Variants in LMNTD1 observed in about 807,000 individuals in gnomAD.
LMNTD1 encodes the protein lamin tail domain containing 1.
LMNTD1 carries 35 observed loss-of-function variants against 50.9 expected under a neutral mutation model. The ratio of observed to expected loss-of-function variants is 0.69; its 90% confidence interval spans 0.53 to 0.91. The LOEUF is 0.91. LMNTD1 is among the 40% of genes least tolerant of loss of function. LMNTD1 has a pLI of 0.00. For missense variants in LMNTD1, 470 were observed against 475.5 expected (o/e 0.99, Z 0.11); for synonymous variants, 153 against 161.9 (o/e 0.94, Z 0.42).
intron 1 of LMNTD1, among the ~76,000 whole-genome samples, chr12:25,628,635 G>A (rs1224147578): frequency 6.6e-6 from 1 of 152,170 alleles, no homozygotes; most frequent in Non-Finnish European, 1.5e-5. Flanking sequence ...ATAATCATAG[G>A]AGTCCTCATG....
At chr12:25,620,354 T>G in intron 1 of LMNTD1, among the ~76,000 whole-genome samples, 1 of 152,234 alleles carries the variant, frequency 6.6e-6, no homozygotes, top group African/African-American at 2.4e-5. Flanking sequence ...AAAACAAATT[T>G]TATAACTTAC....
At chr12:25,554,439 T>C (rs1943946228), upstream of LMNTD1, among the ~76,000 whole-genome samples, 1 of 152,236 alleles carries the variant, frequency 6.6e-6, no homozygotes, top group African/African-American at 2.4e-5. Context: ...TGTGAGTGTT[T>C]CAATACTCAT....
At chr12:25,600,502 T>A (rs969423980) in intron 1 of LMNTD1, among the ~76,000 whole-genome samples, 1 of 151,792 alleles carries the variant, frequency 6.6e-6, no homozygotes, top group Non-Finnish European at 1.5e-5. Context: ...ATCAACAAAG[T>A]GAAGAGACAG....
chr12:25,616,662 G>A (rs1469088523), intron 1 of LMNTD1, among the ~76,000 whole-genome samples: 2 of 152,176 alleles, frequency 1.3e-5, no homozygotes, highest in East Asian at 1.9e-4. Flanking sequence ...GGGGAAAACT[G>A]AGTAAAGGGT....
chr12:25,563,285 G>T (rs1096013), intron 1 of LMNTD1, among the ~76,000 whole-genome samples: 144,308 of 152,316 alleles, frequency 0.95, 68,875 homozygotes, highest in East Asian at 1. Flanking sequence ...TTTATCTACC[G>T]TTAGTCTTTG....
At chr12:25,624,544 T>G (rs1213626129) in intron 1 of LMNTD1, among the ~76,000 whole-genome samples, 1 of 152,174 alleles carries the variant, frequency 6.6e-6, no homozygotes, top group Non-Finnish European at 1.5e-5. Flanking sequence ...TCACCCATTT[T>G]CACTTAGAAA....
chr12:25,580,551 C>A (rs1005130983), intron 1 of LMNTD1, among the ~76,000 whole-genome samples: 1 of 151,816 alleles, frequency 6.6e-6, no homozygotes, highest in Non-Finnish European at 1.5e-5. Context: ...ATAGTTGTAC[C>A]CTTATATGTT....
At chr12:25,551,837 G>T (rs184621747) in intron 2 of LMNTD1, among the ~76,000 whole-genome samples, 2 of 152,266 alleles carry the variant, frequency 1.3e-5, no homozygotes, top group Non-Finnish European at 2.9e-5. Context: ...TTTTCTCAGT[G>T]GTTAGTTAAC....
chr12:25,612,146 T>C (rs1333402796), intron 1 of LMNTD1, among the ~76,000 whole-genome samples: 1 of 152,228 alleles, frequency 6.6e-6, no homozygotes, highest in Non-Finnish European at 1.5e-5. Flanking sequence ...AGAAAAATAC[T>C]GTGGCTTTAG....
At chr12:25,518,318 C>T (rs1389228856) in intron 8 of LMNTD1, among the ~76,000 whole-genome samples, 1 of 152,158 alleles carries the variant, frequency 6.6e-6, no homozygotes, top group African/African-American at 2.4e-5. Context: ...AAAATCCATT[C>T]ACAGAGTGTG....
intron 6 of LMNTD1, among the ~76,000 whole-genome samples, chr12:25,521,205 C>T (rs1241869515): frequency 6.6e-6 from 1 of 151,890 alleles, no homozygotes; most frequent in Admixed American, 6.6e-5. Context: ...TGTGCAGAAG[C>T]TTTTTAGCTT....
At chr12:25,627,259 A>C (rs1205368847) in intron 1 of LMNTD1, among the ~76,000 whole-genome samples, 2 of 152,236 alleles carry the variant, frequency 1.3e-5, no homozygotes, top group Non-Finnish European at 2.9e-5. Context: ...TGAGCCTCTG[A>C]AAGGCATCCA....
At chr12:25,555,829 A>G, upstream of LMNTD1, among the ~76,000 whole-genome samples, 1 of 152,174 alleles carries the variant, frequency 6.6e-6, no homozygotes, top group East Asian at 1.9e-4. Context: ...TAGCAAAAAG[A>G]CTAAAATAGA....
In LMNTD1 at chr12:25,578,265, G is replaced by T. The variant is rs139356481; in HGVS notation, c.59-31711C>A. On this transcript the variant is annotated intron_variant, in intron 1 of 7. Coordinates refer to the LMNTD1 transcript ENST00000445693. The stretch of plus-strand genomic sequence containing the variant: ...AATATGAGTTTAAATGACACCTAGG[G>T]AGGAGGAGCAAAGGTGATCTGTATA... Among the ~76,000 whole-genome samples, 69 of 152,240 alleles carry T rather than the reference G, an allele frequency of 4.5e-4. 1 individual carries two copies. The East Asian group carries it at 0.012, about 26-fold the overall frequency.
At chr12:25,501,082 C>T (rs982784995) in intron 9 of LMNTD1, among the ~76,000 whole-genome samples, 9 of 152,138 alleles carry the variant, frequency 5.9e-5, no homozygotes, top group African/African-American at 1.4e-4. Context: ...CTCCACCTTC[C>T]GGGTTCAAGC....
intron 1 of LMNTD1, among the ~76,000 whole-genome samples, chr12:25,643,174 C>T (rs1311542218): frequency 6.6e-6 from 1 of 152,054 alleles, no homozygotes; most frequent in Non-Finnish European, 1.5e-5. Context: ...CAAGTCATGA[C>T]AGAAATATAA....
chr12:25,608,728 C>T (rs1000290690), intron 1 of LMNTD1, among the ~76,000 whole-genome samples: 9 of 151,232 alleles, frequency 6.0e-5, no homozygotes, highest in Admixed American at 3.3e-4. Flanking sequence ...GAAAGAAACC[C>T]GACCTTTCTC....
rs575486391 is a variant in LMNTD1 at position 25,560,107 on chromosome 12, A to G, written c.59-13553T>C. On this transcript the variant is annotated intron_variant, in intron 1 of 7. Coordinates refer to the LMNTD1 transcript ENST00000445693. Reference sequence around the variant, plus strand: ...ATTGCTTTTGGTGTTTTAGACATGAAGTCCTTGCCGATGCCTATGTCCTGA... The same window carrying G: ...ATTGCTTTTGGTGTTTTAGACATGAGGTCCTTGCCGATGCCTATGTCCTGA... Among the ~76,000 whole-genome samples, 344 of 152,314 alleles carry G rather than the reference A, an allele frequency of 2.3e-3. 4 individuals carry two copies. Among genetic ancestry groups the G allele is most frequent in the South Asian group, 0.017 (80 of 4,832 alleles).
intron 8 of LMNTD1, among the ~76,000 whole-genome samples, chr12:25,511,704 G>C (rs1352626): frequency 0.94 from 142,733 of 152,232 alleles, 67,163 homozygotes; most frequent in East Asian, 0.99. Flanking sequence ...TTGTTGCCTC[G>C]TCAGTATTTT....
Sources: allele counts gnomAD v4.1 joint callset (sites outside exome capture counted in the v4.1 genomes callset), GRCh38; gene constraint gnomAD v4.1.1; transcripts MANE v1.5; gene names NCBI Gene and HGNC (gene_info 2026-07-23, HGNC 2026-07-21).